Variants in AXDND1 observed in about 807,000 individuals in gnomAD.
The protein encoded by AXDND1 is axonemal dynein light chain domain containing 1.
Under a neutral mutation model 137.5 loss-of-function variants are expected in AXDND1, and 110 were observed. That is an observed-to-expected ratio of 0.80 (90% CI 0.69 to 0.94). The LOEUF is 0.94. AXDND1 is among the 40% of genes least tolerant of loss of function. The probability of loss-of-function intolerance (pLI) is 0.00; values close to 1 mark genes in which losing one functional copy is unlikely to be tolerated. For missense variants in AXDND1, 1,191 were observed against 1,169.8 expected, an observed-to-expected ratio of 1.02 and a Z score of -0.26; for synonymous variants, 414 against 399.7, an observed-to-expected ratio of 1.04 and a Z score of -0.43.
intron 11 of AXDND1, among the ~76,000 whole-genome samples, chr1:179,396,796 A>C (rs1218121720): frequency 6.6e-6 from 1 of 152,208 alleles, no homozygotes; most frequent in Non-Finnish European, 1.5e-5. Context: ...TGTATAATTT[A>C]TGTATCAATC....
chr1:179,385,488 AT>A (rs565266822), intron 9 of AXDND1, 129 bp downstream of exon 9: 143 of 1,062,588 alleles, frequency 1.3e-4, no homozygotes, highest in African/African-American at 3.0e-4. Context: ...ATCTAACTGC[AT>A]TTTTTTTTCT....
chr1:179,472,773 A>T (rs6661596), intron 17 of AXDND1, among the ~76,000 whole-genome samples: 69,341 of 151,946 alleles, frequency 0.46, 16,701 homozygotes, highest in East Asian at 0.76. Context: ...GTAACTTTTT[A>T]AATTTTAAAA....
At chr1:179,414,550 T>G (rs1451652213) in intron 12 of AXDND1, among the ~76,000 whole-genome samples, 1 of 152,086 alleles carries the variant, frequency 6.6e-6, no homozygotes, top group Non-Finnish European at 1.5e-5. Flanking sequence ...CTCAGCCTCC[T>G]GTGTAGCTGG....
intron 25 of AXDND1, among the ~76,000 whole-genome samples, chr1:179,553,031 A>G (rs1364431977): frequency 6.6e-6 from 1 of 152,246 alleles, no homozygotes; most frequent in Non-Finnish European, 1.5e-5. Flanking sequence ...CACTACTGAT[A>G]ATAAAGATAA....
At chr1:179,410,636 G>A (rs574162034) in intron 11 of AXDND1, among the ~76,000 whole-genome samples, 1 of 152,270 alleles carries the variant, frequency 6.6e-6, no homozygotes, top group East Asian at 1.9e-4. Context: ...TTTATTTAAG[G>A]TTTTAAAGGG....
In AXDND1 at chr1:179,468,524, C is replaced by A; in HGVS notation, c.1880C>A (p.Thr627Lys). 1 of 1,612,562 alleles carries A rather than the reference C, an allele frequency of 6.2e-7. No individual in the cohort carries two copies. The highest frequency in any genetic ancestry group is 1.1e-5 in the South Asian group (1 of 91,010). ...TTGGAAAACCTGGAGTTTCCTGATA[C>A]GCCTCTTGAAGAATGGCAGGAAATA... ...FKLENLEFPD[T>K]PLEEWQEIDE... is the part of the protein sequence containing the mutation. The change falls in exon 17 of 26, where the codon ACG becomes AAG. Residue 627 changes from threonine to lysine, a missense_variant. Coordinates refer to ENST00000367618, the MANE Select transcript of AXDND1 (RefSeq NM_144696.6).
chr1:179,541,025 C>T (rs554903653), intron 25 of AXDND1, among the ~76,000 whole-genome samples: 21 of 152,312 alleles, frequency 1.4e-4, no homozygotes, highest in Non-Finnish European at 2.2e-4. Context: ...GCTCTTCCCC[C>T]GACCAAGCTC....
intron 17 of AXDND1, among the ~76,000 whole-genome samples, chr1:179,481,271 A>G (rs1665344253): frequency 6.6e-6 from 1 of 152,026 alleles, no homozygotes. Context: ...GCTGAGAATG[A>G]TGGTTTCCAG....
chr1:179,522,167 T>C (rs1032592814), intron 21 of AXDND1, among the ~76,000 whole-genome samples: 3 of 152,162 alleles, frequency 2.0e-5, no homozygotes, highest in Non-Finnish European at 4.4e-5. Flanking sequence ...CTTAACCTTC[T>C]TTCATATTCT....
At chr1:179,527,732 T>A (rs903654498) in intron 22 of AXDND1, among the ~76,000 whole-genome samples, 1 of 152,204 alleles carries the variant, frequency 6.6e-6, no homozygotes, top group African/African-American at 2.4e-5. Flanking sequence ...TTTACTTTAC[T>A]ATACTCTGAG....
At chr1:179,407,066 A>T (rs1653082831) in intron 11 of AXDND1, among the ~76,000 whole-genome samples, 1 of 151,994 alleles carries the variant, frequency 6.6e-6, no homozygotes. Flanking sequence ...ATGATGGTAG[A>T]TATTGTCATT....
At position 179,452,694 on chromosome 1, in the gene AXDND1, C is replaced by CAAAAA. The variant is rs56975419; in HGVS notation, c.1798+7513_1798+7517dup. ...TGGGCGACAGAGCGAGACTCCGTCTCAAAAAAAAAAAAAAAAAAAAAAAAA... is the reference window on the plus strand; with the variant it reads ...TGGGCGACAGAGCGAGACTCCGTCTCAAAAAAAAAAAAAAAAAAAAAAAAAAAAAA... On this transcript the variant is annotated intron_variant, in intron 16 of 25. Coordinates refer to ENST00000367618, the MANE Select transcript of AXDND1 (RefSeq NM_144696.6). 27 of 68,736 alleles carry CAAAAA rather than the reference C, an allele frequency of 3.9e-4. 2 individuals are homozygous for CAAAAA. Among genetic ancestry groups the CAAAAA allele is most frequent in the African/African-American group, 4.6e-4 (7 of 15,074 alleles). 4.3% of individuals were successfully genotyped at this position (68,736 alleles called of 1,614,324 possible). A position where few individuals can be genotyped will look rare whatever the true frequency, so the allele number is the denominator to read the frequency against.
intron 20 of AXDND1, among the ~76,000 whole-genome samples, chr1:179,507,888 C>T (rs1243351198): frequency 1.3e-5 from 2 of 152,176 alleles, no homozygotes; most frequent in Non-Finnish European, 1.5e-5. Flanking sequence ...ACTCTTCTTC[C>T]TGATATGCAA....
chr1:179,421,065 C>A (rs1655621707), intron 12 of AXDND1, among the ~76,000 whole-genome samples: 1 of 147,714 alleles, frequency 6.8e-6, no homozygotes, highest in Non-Finnish European at 1.5e-5. Context: ...TCCTTCCTTC[C>A]TTCCTTCCTT....
In AXDND1 at chr1:179,378,666, A is replaced by G. The variant is rs773225654; in HGVS notation, c.404A>G (p.Tyr135Cys). ...ATTTCTTTTCTGTACGATGTAACAT[A>G]TGCCAAAGGACAGACTAGGGAGAAG... Reference protein sequence around the residue: ...RDISFLYDVTYAKGQTREKAV... With the variant: ...RDISFLYDVTCAKGQTREKAV... The change falls in exon 5 of 26, where the codon TAT (tyrosine) becomes TGT (cysteine). Residue 135 changes from tyrosine to cysteine, a missense_variant. Transcript: ENST00000367618. The G allele has an allele frequency of 4.0e-5, 63 of 1,593,574 alleles. No individual in the cohort carries two copies. The highest frequency in any genetic ancestry group is 6.9e-5 in the Admixed American group (4 of 58,312).
chr1:179,542,067 T>C (rs941684037), intron 25 of AXDND1, among the ~76,000 whole-genome samples: 19 of 152,264 alleles, frequency 1.2e-4, no homozygotes, highest in African/African-American at 4.6e-4. Context: ...TTGTAGGAAG[T>C]TTTATCTTTA....
intron 12 of AXDND1, among the ~76,000 whole-genome samples, chr1:179,427,899 C>A (rs1479000505): frequency 6.9e-6 from 1 of 145,356 alleles, no homozygotes; most frequent in Middle Eastern, 3.3e-3. Context: ...AAAAGACAAA[C>A]AAAACTCAGG....
At chr1:179,462,910 A>G (rs1346090256) in intron 16 of AXDND1, among the ~76,000 whole-genome samples, 1 of 152,136 alleles carries the variant, frequency 6.6e-6, no homozygotes, top group Non-Finnish European at 1.5e-5. Context: ...TTATTTGCGT[A>G]GAGGTGTTTA....
intron 20 of AXDND1, among the ~76,000 whole-genome samples, chr1:179,507,930 A>G: frequency 6.6e-6 from 1 of 152,228 alleles, no homozygotes; most frequent in East Asian, 1.9e-4. Flanking sequence ...TGAATCCAGA[A>G]TTTAACCATC....
Sources: allele counts gnomAD v4.1 joint callset (sites outside exome capture counted in the v4.1 genomes callset), GRCh38; gene constraint gnomAD v4.1.1; transcripts MANE v1.5; gene names NCBI Gene and HGNC (gene_info 2026-07-23, HGNC 2026-07-21).